The following GALNT11 variants were observed in gnomAD, a reference collection of about 807,000 sequenced individuals.
GALNT11 encodes polypeptide N-acetylgalactosaminyltransferase 11.
GALNT11 carries 47 observed loss-of-function variants against 72.7 expected under a neutral mutation model. The ratio of observed to expected loss-of-function variants is 0.65; its 90% CI spans 0.51 to 0.82. GALNT11 has a LOEUF of 0.82. Among genes scored for constraint, GALNT11 ranks in the 40% least tolerant of loss-of-function variants. The pLI is 0.00. For missense variants in GALNT11, 677 were observed against 778.4 expected, an observed-to-expected ratio of 0.87 and a Z score of 1.55; for synonymous variants, 270 against 286.6, an observed-to-expected ratio of 0.94 and a Z score of 0.58.
intron 1 of GALNT11, among the ~76,000 whole-genome samples, chr7:152,088,519 T>G (rs773633618): frequency 2.0e-5 from 3 of 151,642 alleles, no homozygotes; most frequent in Non-Finnish European, 2.9e-5. Flanking sequence ...TTTCAGGGTT[T>G]TTTTTTTTTT....
chr7:152,032,973 G>A (rs529746731), intron 1 of GALNT11, among the ~76,000 whole-genome samples: 14 of 152,336 alleles, frequency 9.2e-5, no homozygotes, highest in South Asian at 8.3e-4. Context: ...GAGGACAGTC[G>A]TCCGGGACAG....
chr7:152,108,193 G>A lies in GALNT11; in HGVS notation c.868G>A (p.Val290Ile), dbSNP rs776094150. Reference protein sequence around the residue: ...DTLAYSSSPVVRGGFNWGLHF... With the variant: ...DTLAYSSSPVIRGGFNWGLHF... ...GCTGGCCTACAGCTCGTCCCCTGTC[G>A]TCCGCGGAGGGTTCAACTGGGGACT... The change falls in exon 6 of 12, where the codon GTC becomes ATC. Residue 290 changes from valine to isoleucine, a missense_variant. Transcript: ENST00000430044. 6.8e-6 allele frequency: 11 copies of A among 1,614,040 alleles called. No individual in the cohort carries two copies. Among genetic ancestry groups the A allele is most frequent in the African/African-American group, 1.3e-5 (1 of 74,890 alleles).
At chr7:152,050,094 GCT>G (rs1563047027) in intron 1 of GALNT11, among the ~76,000 whole-genome samples, 1 of 152,040 alleles carries the variant, frequency 6.6e-6, no homozygotes, top group African/African-American at 2.4e-5. Context: ...CCCGCTTGGT[GCT>G]CTACCCCACT....
intron 8 of GALNT11, among the ~76,000 whole-genome samples, chr7:152,113,931 G>A (rs74408129): frequency 7.0e-6 from 1 of 143,612 alleles, no homozygotes; most frequent in Admixed American, 6.9e-5. Flanking sequence ...TTTTTTTTTT[G>A]TTTGTTTGTT....
At chr7:152,088,516 G>GTTT (rs35740522) in intron 1 of GALNT11, among the ~76,000 whole-genome samples, 1 of 139,952 alleles carries the variant, frequency 7.1e-6, no homozygotes, top group African/African-American at 2.6e-5. Flanking sequence ...TGGTTTCAGG[G>GTTT]TTTTTTTTTT....
rs553453480 is a variant in GALNT11 at position 152,111,628 on chromosome 7, G to GTGTA, written c.1080+984_1080+985insGTAT. 2.4e-3 allele frequency among the ~76,000 whole-genome samples: 342 copies of GTGTA among 144,860 alleles called. 4 individuals are homozygous for GTGTA. The highest frequency in any genetic ancestry group is 8.5e-3 in the African/African-American group (322 of 37,726). On this transcript the variant is annotated intron_variant, in intron 7 of 11. Transcript: ENST00000430044. The stretch of plus-strand genomic sequence containing the variant: ...CTGTTATTCCACTCTGTGTGTGTGT[G>GTGTA]TATATATATATATATATTTTTTTAA...
At chr7:152,114,041 T>C (rs2088575614) in intron 8 of GALNT11, among the ~76,000 whole-genome samples, 1 of 151,944 alleles carries the variant, frequency 6.6e-6, no homozygotes, top group Non-Finnish European at 1.5e-5. Flanking sequence ...TGGGACTACG[T>C]GTGTGAGCCA....
chr7:152,091,607 A>G (rs1157496908), intron 1 of GALNT11, among the ~76,000 whole-genome samples: 4 of 151,876 alleles, frequency 2.6e-5, no homozygotes, highest in African/African-American at 4.8e-5. Flanking sequence ...CCAACTCCCA[A>G]CCTCAGGTGA....
chr7:152,076,090 A>C lies in GALNT11; in HGVS notation c.-38-18100A>C, dbSNP rs112995074. Among the ~76,000 whole-genome samples the C allele has an allele frequency of 9.0e-3, 1,191 of 131,792 alleles. 16 individuals are homozygous for C. The highest frequency in any genetic ancestry group is 0.016 in the Middle Eastern group (4 of 246). 86.5% of individuals were successfully genotyped at this position (131,792 alleles called of 152,430 possible). A position where few individuals can be genotyped will look rare whatever the true frequency, so the allele number is the denominator to read the frequency against. ...AAAAAAAAAAAAAAAAAAAAAAAAA[A>C]GAAGAAGAGAGAAAAGTTCATCGCT... is the stretch of plus-strand genomic sequence containing the variant. On this transcript the variant is annotated intron_variant, in intron 1 of 11. Transcript: ENST00000430044.
chr7:152,099,627 A>G (rs948828794), intron 2 of GALNT11, among the ~76,000 whole-genome samples: 24 of 146,630 alleles, frequency 1.6e-4, no homozygotes, highest in African/African-American at 5.8e-4. Flanking sequence ...ACCTCAAGCA[A>G]TCTGCCCGCC....
At chr7:152,035,648 G>C (rs1197600914) in intron 1 of GALNT11, among the ~76,000 whole-genome samples, 2 of 152,212 alleles carry the variant, frequency 1.3e-5, no homozygotes, top group Non-Finnish European at 2.9e-5. Context: ...TTGTTAGAGA[G>C]CCCTATCCCG....
chr7:152,054,926 C>T (rs2152039036), intron 1 of GALNT11, among the ~76,000 whole-genome samples: 1 of 152,278 alleles, frequency 6.6e-6, no homozygotes, highest in South Asian at 2.1e-4. Context: ...TATACACACA[C>T]ACAAATGCAC....
intron 1 of GALNT11, among the ~76,000 whole-genome samples, chr7:152,049,189 G>T (rs986167682): frequency 6.6e-6 from 1 of 152,090 alleles, no homozygotes; most frequent in Non-Finnish European, 1.5e-5. Flanking sequence ...GAGGATGTTT[G>T]TTGGTTCCTA....
At chr7:152,027,172 C>T (rs906572693) in intron 1 of GALNT11, among the ~76,000 whole-genome samples, 2 of 152,116 alleles carry the variant, frequency 1.3e-5, no homozygotes, top group East Asian at 1.9e-4. Context: ...TGGCGTGAAT[C>T]GAGGAGGCAG....
In GALNT11 at chr7:152,094,587, A is replaced by C; in HGVS notation, c.295+65A>C. On this transcript the variant is annotated intron_variant, in intron 2 of 11. Coordinates refer to ENST00000430044, the MANE Select transcript of GALNT11 (RefSeq NM_022087.4). The surrounding 1 kb of genome is among the most constrained non-coding windows in gnomAD (Gnocchi z 4.3). ...TTAATCACTGGAAGTTTGATTAATT[A>C]GTTAATTAGGAGATCAGAAATGCTG... The C allele has an allele frequency of 6.7e-7, 1 of 1,483,018 alleles. No homozygotes were observed. Among genetic ancestry groups the C allele is most frequent in the Non-Finnish European group, 9.0e-7 (1 of 1,106,492 alleles). The allele number at this position is 1,483,018 out of a possible 1,614,324, so 91.9% of individuals were successfully genotyped here. A position where few individuals can be genotyped will look rare whatever the true frequency, so the allele number is the denominator to read the frequency against.
At chr7:152,054,678 AT>A (rs765064933) in intron 1 of GALNT11, among the ~76,000 whole-genome samples, 5,421 of 142,836 alleles carry the variant, frequency 0.038, 104 homozygotes, top group African/African-American at 0.052. Flanking sequence ...TGTCTGGCTA[AT>A]TTTTTTTTTT....
chr7:152,080,686 G>T (rs1170499075), intron 1 of GALNT11, among the ~76,000 whole-genome samples: 1 of 152,110 alleles, frequency 6.6e-6, no homozygotes, highest in African/African-American at 2.4e-5. Context: ...TGCGGGCCAG[G>T]TACAGTGGCT....
At chr7:152,026,721 G>C (rs1248468681) in intron 1 of GALNT11, among the ~76,000 whole-genome samples, 1 of 152,240 alleles carries the variant, frequency 6.6e-6, no homozygotes, top group Non-Finnish European at 1.5e-5. Context: ...AGGCTCAAAA[G>C]AATGTAGCCG....
At position 152,121,736 on chromosome 7, in the gene GALNT11, G is replaced by C. The variant is rs747066187; in HGVS notation, c.*59G>C. On this transcript the variant is annotated 3_prime_UTR_variant, in exon 12 of 12. Coordinates refer to ENST00000430044, the MANE Select transcript of GALNT11 (RefSeq NM_022087.4). ...GGCGTTGCCTCCGGTGTGGAGTTTG[G>C]GGCTTTAGGAAAGCCTGGGTTGGGT... The C allele has an allele frequency of 1.3e-5, 20 of 1,576,426 alleles. No homozygotes were observed. Among genetic ancestry groups the C allele is most frequent in the Middle Eastern group, 3.6e-4 (2 of 5,624 alleles).
Sources: allele counts gnomAD v4.1 joint callset (sites outside exome capture counted in the v4.1 genomes callset), GRCh38; gene constraint gnomAD v4.1.1; non-coding constraint Gnocchi (gnomAD v3.1); transcripts MANE v1.5; gene names NCBI Gene and HGNC (gene_info 2026-07-23, HGNC 2026-07-21).